WWOX: variants seen among roughly 807,000 people sequenced by gnomAD.
WWOX encodes the protein WW domain containing oxidoreductase, also known as WW domain-containing oxidoreductase.
WWOX carries 69 observed loss-of-function variants against 46.2 expected under a neutral mutation model. The observed-to-expected ratio is 1.49, with a 90% CI of 1.23 to 1.82. The LOEUF is 1.82. WWOX is among the 40% of genes most tolerant of loss of function. The pLI, the probability that WWOX is intolerant of heterozygous loss-of-function variation, is 0.00. For synonymous variants in WWOX, 359 were observed against 202.6 expected (o/e 1.77, Z -6.56); for missense variants, 919 against 542.6 (o/e 1.69, Z -6.89).
chr16:78,821,131 C>T (rs1019375442), intron 8 of WWOX, among the ~76,000 whole-genome samples: 4 of 152,176 alleles, frequency 2.6e-5, no homozygotes, highest in Non-Finnish European at 4.4e-5. Context: ...CTGCATCAAA[C>T]GTATGGGTGT....
chr16:78,479,740 G>A (rs183971929), intron 8 of WWOX, among the ~76,000 whole-genome samples: 2 of 152,290 alleles, frequency 1.3e-5, no homozygotes, highest in Non-Finnish European at 2.9e-5. Flanking sequence ...GACAGCCTCT[G>A]GCCTGGGAGT....
At chr16:78,579,917 C>G (rs182685869) in intron 8 of WWOX, among the ~76,000 whole-genome samples, 2 of 152,130 alleles carry the variant, frequency 1.3e-5, no homozygotes, top group African/African-American at 4.8e-5. Flanking sequence ...TCCGAGCCAT[C>G]GACTTCTGTT....
At chr16:78,902,066 A>T (rs778383817) in intron 8 of WWOX, among the ~76,000 whole-genome samples, 25 of 152,190 alleles carry the variant, frequency 1.6e-4, no homozygotes, top group Non-Finnish European at 2.9e-4. Flanking sequence ...GAGCTGGCAA[A>T]ATCGTCTTGG....
chr16:78,732,547 G>C (rs1456768530), intron 8 of WWOX, among the ~76,000 whole-genome samples: 1 of 152,090 alleles, frequency 6.6e-6, no homozygotes, highest in African/African-American at 2.4e-5. Context: ...AGCGCATGTG[G>C]TAGATTTACA....
intron 8 of WWOX, among the ~76,000 whole-genome samples, chr16:78,964,891 G>A (rs781468517): frequency 1.3e-5 from 2 of 152,224 alleles, no homozygotes; most frequent in Non-Finnish European, 2.9e-5. Flanking sequence ...TATAGCTCAG[G>A]CTGTGGCTTC....
At chr16:79,102,582 C>T (rs527994151) in intron 8 of WWOX, among the ~76,000 whole-genome samples, 166 of 152,186 alleles carry the variant, frequency 1.1e-3, no homozygotes, top group African/African-American at 3.7e-3. Context: ...ATATAGCAAA[C>T]GGGTAGAAGA....
intron 8 of WWOX, among the ~76,000 whole-genome samples, chr16:78,593,075 G>C (rs2045389085): frequency 6.6e-6 from 1 of 152,148 alleles, no homozygotes; most frequent in East Asian, 1.9e-4. Flanking sequence ...AAGCTCTTTA[G>C]CCAAGGAAGA....
At chr16:78,865,408 C>T (rs1245335998) in intron 8 of WWOX, among the ~76,000 whole-genome samples, 2 of 152,222 alleles carry the variant, frequency 1.3e-5, no homozygotes, top group African/African-American at 4.8e-5. Context: ...TAAATCTTTA[C>T]ACTCCAGTGG....
intron 8 of WWOX, among the ~76,000 whole-genome samples, chr16:78,862,357 A>G (rs1439710399): frequency 6.6e-6 from 1 of 151,242 alleles, no homozygotes; most frequent in Admixed American, 6.6e-5. Flanking sequence ...AATAATATAT[A>G]TAAACACTAT....
rs188888861 is a variant in WWOX, at chr16:78,397,660, G to A, written c.605+10712G>A. ...GATTTGTCCCATGAGTAAAATAGAT[G>A]ATGGACAGCCACTGCCTAGTGGGAC... On this transcript the variant is annotated intron_variant, in intron 6 of 8. Coordinates refer to ENST00000566780, the MANE Select transcript of WWOX (RefSeq NM_016373.4). Among the ~76,000 whole-genome samples the A allele has an allele frequency of 9.2e-5, 14 of 152,306 alleles. No individual in the cohort carries two copies. The East Asian group carries it at 2.3e-3, about 25-fold the overall frequency.
intron 8 of WWOX, among the ~76,000 whole-genome samples, chr16:78,495,499 T>C (rs1334684479): frequency 9.1e-6 from 1 of 109,872 alleles, no homozygotes; most frequent in Non-Finnish European, 1.9e-5. Context: ...TAGGAAGTCA[T>C]AGAAAATGGT....
At chr16:78,643,924 C>G (rs1158497450) in intron 8 of WWOX, among the ~76,000 whole-genome samples, 4 of 151,638 alleles carry the variant, frequency 2.6e-5, no homozygotes, top group African/African-American at 9.7e-5. Context: ...TTAAAACAAA[C>G]AAACAACAAA....
intron 8 of WWOX, among the ~76,000 whole-genome samples, chr16:79,000,874 G>C (rs2047079103): frequency 6.6e-6 from 1 of 152,102 alleles, no homozygotes; most frequent in Admixed American, 6.5e-5. Context: ...CATTGCCATG[G>C]TTTGTCATGT....
intron 8 of WWOX, among the ~76,000 whole-genome samples, chr16:79,019,083 A>G (rs931641728): frequency 3.6e-5 from 5 of 138,382 alleles, no homozygotes; most frequent in Admixed American, 8.0e-5. Flanking sequence ...GCTTGAACCT[A>G]GGAGGCAGAG....
intron 8 of WWOX, among the ~76,000 whole-genome samples, chr16:78,467,292 G>A (rs1053703572): frequency 6.6e-6 from 1 of 152,064 alleles, no homozygotes; most frequent in African/African-American, 2.4e-5. Context: ...TATGTATGAT[G>A]TATATACCCA....
intron 5 of WWOX, among the ~76,000 whole-genome samples, chr16:78,272,548 T>C (rs191474291): frequency 6.6e-6 from 1 of 152,146 alleles, no homozygotes; most frequent in Non-Finnish European, 1.5e-5. Flanking sequence ...TTTCTTCTGG[T>C]AGAAGTGACA....
At chr16:78,591,544 C>A (rs1472783299) in intron 8 of WWOX, among the ~76,000 whole-genome samples, 2 of 152,170 alleles carry the variant, frequency 1.3e-5, no homozygotes, top group African/African-American at 4.8e-5. Flanking sequence ...AGACAGATAA[C>A]AATGTTAACA....
At chr16:78,154,381 C>T (rs778886386) in intron 4 of WWOX, among the ~76,000 whole-genome samples, 12 of 152,128 alleles carry the variant, frequency 7.9e-5, no homozygotes, top group South Asian at 2.1e-4. Flanking sequence ...CACAGGCTCC[C>T]GCTGCCTACA....
chr16:78,154,670 C>G (rs559493049), intron 4 of WWOX, among the ~76,000 whole-genome samples: 1 of 152,126 alleles, frequency 6.6e-6, no homozygotes, highest in Non-Finnish European at 1.5e-5. Context: ...GCCTGCTACC[C>G]TTGTGCTTCT....
Sources: gnomAD v4.1 joint callset for allele counts (sites outside exome capture counted in the v4.1 genomes callset) on GRCh38, gnomAD v4.1.1 for gene constraint, MANE v1.5 for transcripts, NCBI Gene and HGNC (gene_info 2026-07-23, HGNC 2026-07-21) for gene names.